Variants in PPHLN1 observed in about 807,000 individuals in gnomAD.
PPHLN1 encodes periphilin-1.
A neutral mutation model predicts 51.3 loss-of-function variants in PPHLN1; 29 were observed. The ratio of observed to expected loss-of-function variants is 0.57; its 90% CI spans 0.42 to 0.77. PPHLN1 has a LOEUF of 0.77. Among genes scored for constraint, PPHLN1 ranks in the 30% least tolerant of loss-of-function variants. The pLI, the probability that PPHLN1 is intolerant of heterozygous loss-of-function variation, is 0.00. For missense variants in PPHLN1, 436 were observed against 438.4 expected (o/e 0.99, Z 0.05); for synonymous variants, 147 against 147.8 (o/e 0.99, Z 0.04).
chr12:42,361,110 A>G (rs2074628897), intron 4 of PPHLN1, among the ~76,000 whole-genome samples: 1 of 152,176 alleles, frequency 6.6e-6, no homozygotes, highest in South Asian at 2.1e-4. Context: ...TTAGGAGGTT[A>G]GGCCTTTTAG....
intron 3 of PPHLN1, 70 bp downstream of exon 3, chr12:42,352,119 T>TA: frequency 7.7e-7 from 1 of 1,305,454 alleles, no homozygotes; most frequent in Non-Finnish European, 9.9e-7. Flanking sequence ...TTTAAAAATT[T>TA]ATGTGACGGC....
intron 1 of PPHLN1, among the ~76,000 whole-genome samples, chr12:42,327,080 T>TA (rs2068903084): frequency 6.6e-6 from 1 of 152,210 alleles, no homozygotes; most frequent in African/African-American, 2.4e-5. Flanking sequence ...CAGCCAAACT[T>TA]ACCATGCTTT....
At chr12:42,438,899 G>T (rs1350858074) in intron 9 of PPHLN1, among the ~76,000 whole-genome samples, 1 of 152,150 alleles carries the variant, frequency 6.6e-6, no homozygotes. Context: ...ACTGCGCCCG[G>T]CCCTCTTATT....
intron 4 of PPHLN1, among the ~76,000 whole-genome samples, chr12:42,372,387 G>A (rs1335126053): frequency 6.6e-6 from 1 of 152,190 alleles, no homozygotes; most frequent in East Asian, 1.9e-4. Flanking sequence ...TCTGGTGTCA[G>A]ATTAGGAAAC....
intron 4 of PPHLN1, among the ~76,000 whole-genome samples, chr12:42,357,043 G>A (rs934111734): frequency 6.6e-6 from 1 of 152,194 alleles, no homozygotes; most frequent in African/African-American, 2.4e-5. Context: ...CATGAAAACT[G>A]TAATGAGTGA....
intron 8 of PPHLN1, among the ~76,000 whole-genome samples, chr12:42,395,819 A>G (rs1170283462): frequency 1.3e-5 from 2 of 152,110 alleles, no homozygotes; most frequent in African/African-American, 4.8e-5. Context: ...TTATGAGCTG[A>G]GATAGATAGA....
intron 2 of PPHLN1, among the ~76,000 whole-genome samples, chr12:42,348,402 A>G (rs932007383): frequency 3.3e-5 from 5 of 151,108 alleles, no homozygotes; most frequent in African/African-American, 7.3e-5. Context: ...GATTACAGGC[A>G]TGAGCCACCA....
At chr12:42,381,334 T>G (rs912980174) in intron 5 of PPHLN1, among the ~76,000 whole-genome samples, 3 of 152,236 alleles carry the variant, frequency 2.0e-5, no homozygotes, top group Non-Finnish European at 4.4e-5. Flanking sequence ...CATAGGCATT[T>G]TATTATATCC....
chr12:42,337,940 C>T (rs970120441), intron 2 of PPHLN1, among the ~76,000 whole-genome samples: 3 of 151,862 alleles, frequency 2.0e-5, no homozygotes, highest in Non-Finnish European at 4.4e-5. Flanking sequence ...CAAGCCACCA[C>T]GCCTGGCTAA....
downstream of PPHLN1, chr12:42,446,193 A>G (rs753339748): frequency 2.5e-6 from 4 of 1,612,168 alleles, no homozygotes; most frequent in African/African-American, 5.3e-5. Flanking sequence ...AAGACAACTC[A>G]GGAGGCTGAG....
intron 9 of PPHLN1, among the ~76,000 whole-genome samples, chr12:42,412,089 C>T (rs1290772119): frequency 6.6e-6 from 1 of 151,944 alleles, no homozygotes; most frequent in African/African-American, 2.4e-5. Flanking sequence ...TCTATAGTCC[C>T]AGCTACTCGA....
intron 5 of PPHLN1, among the ~76,000 whole-genome samples, chr12:42,382,683 T>C (rs1452900472): frequency 6.6e-6 from 1 of 152,172 alleles, no homozygotes. Flanking sequence ...AGATTAAGGT[T>C]AGTAGCAACA....
chr12:42,400,328 C>T (rs937807207), intron 9 of PPHLN1: 2 of 151,340 alleles, frequency 1.3e-5, no homozygotes, highest in Non-Finnish European at 2.9e-5. Flanking sequence ...ATTAGCCGGG[C>T]GTAGTGGCGG....
intron 1 of PPHLN1, among the ~76,000 whole-genome samples, chr12:42,333,392 A>G (rs1368219170): frequency 6.6e-6 from 1 of 152,188 alleles, no homozygotes; most frequent in Admixed American, 6.5e-5. Context: ...AGGTCAAAGC[A>G]TATGTGTTTT....
At chr12:42,433,359 C>G in intron 9 of PPHLN1, 1 of 498,750 alleles carries the variant, frequency 2.0e-6, no homozygotes, top group Non-Finnish European at 3.8e-6. Flanking sequence ...AAGGGAGTTG[C>G]TTACTTAAGG....
intron 9 of PPHLN1, among the ~76,000 whole-genome samples, chr12:42,433,594 T>A (rs11833109): frequency 0.02 from 2,992 of 152,308 alleles, 88 homozygotes; most frequent in African/African-American, 0.068. Flanking sequence ...ATTGCTGGGA[T>A]TACAGGCGTG....
At chr12:42,415,318 C>T (rs986753501) in intron 9 of PPHLN1, among the ~76,000 whole-genome samples, 36 of 152,138 alleles carry the variant, frequency 2.4e-4, no homozygotes, top group Non-Finnish European at 4.6e-4. Flanking sequence ...ATTACAGGCG[C>T]ATGCCACCAC....
rs79919868 is a variant in PPHLN1, at chr12:42,409,421, A to G, written c.909+10427A>G. The stretch of plus-strand genomic sequence containing the variant: ...TGATGGTAGTGATTGTATTGAGGAT[A>G]ATGAGACCTGATTTTTGTACAGATG... On this transcript the variant is annotated intron_variant, in intron 9 of 9. Transcript: ENST00000358314. Among the ~76,000 whole-genome samples, 1,094 of 152,228 alleles carry G rather than the reference A, an allele frequency of 7.2e-3. 44 individuals are homozygous for G. In the East Asian group the frequency reaches 0.091, roughly 13 times the overall value.
chr12:42,441,537 A>T lies in PPHLN1; in HGVS notation c.*28A>T, dbSNP rs753641069. The T allele has an allele frequency of 2.6e-6, 4 of 1,525,576 alleles. No homozygotes were observed. Among genetic ancestry groups the T allele is most frequent in the Non-Finnish European group, 3.5e-6 (4 of 1,141,794 alleles). The allele number at this position is 1,525,576 out of a possible 1,614,324, so 94.5% of individuals were successfully genotyped here. A position where few individuals can be genotyped will look rare whatever the true frequency, so the allele number is the denominator to read the frequency against. On this transcript the variant is annotated 3_prime_UTR_variant, in exon 10 of 10. Transcript: ENST00000358314. ...TTTTCTGCTCAGGCTAAAAAAAAAA[A>T]AAAACAGTTTCTAAAAATTTTTTTT... is the stretch of plus-strand genomic sequence containing the variant.
Sources: allele counts gnomAD v4.1 joint callset (sites outside exome capture counted in the v4.1 genomes callset), GRCh38; gene constraint gnomAD v4.1.1; transcripts MANE v1.5; gene names NCBI Gene and HGNC (gene_info 2026-07-23, HGNC 2026-07-21).